Variants in MEF2C observed in about 807,000 individuals in gnomAD.
MEF2C encodes the protein myocyte-specific enhancer factor 2C.
A neutral mutation model predicts 50.5 loss-of-function variants in MEF2C; 6 were observed. The observed-to-expected ratio is 0.12, with a 90% CI of 0.07 to 0.23. The LOEUF is 0.23. Ranked by LOEUF, MEF2C falls within the 10% of genes least tolerant of loss-of-function variation. The pLI, the probability that MEF2C is intolerant of heterozygous loss-of-function variation, is 1.00. For synonymous variants in MEF2C, 183 were observed against 228.0 expected (o/e 0.80, Z 1.78); for missense variants, 276 against 605.0 (o/e 0.46, Z 5.70).
chr5:88,848,251 C>T (rs1561320813), intron 1 of MEF2C, among the ~76,000 whole-genome samples: 1 of 152,224 alleles, frequency 6.6e-6, no homozygotes, highest in East Asian at 1.9e-4. Context: ...TAATAATGAT[C>T]TGTATTTGAA....
intron 3 of MEF2C, chr5:88,766,750 T>G (rs1169063134): frequency 1.0e-6 from 1 of 985,288 alleles, no homozygotes; most frequent in Non-Finnish European, 1.2e-6. Flanking sequence ...TAGTGTGATC[T>G]TTACTTCAGA....
chr5:88,896,221 G>C (rs896393775), intron 1 of MEF2C, among the ~76,000 whole-genome samples: 2 of 152,124 alleles, frequency 1.3e-5, no homozygotes, highest in Non-Finnish European at 2.9e-5. Context: ...ATTGTACATT[G>C]CATTACCTGT....
At chr5:88,769,195 A>C (rs2152754750) in intron 3 of MEF2C, among the ~76,000 whole-genome samples, 1 of 152,320 alleles carries the variant, frequency 6.6e-6, no homozygotes, top group Non-Finnish European at 1.5e-5. Context: ...AGATACTATA[A>C]ATCTGAATTA....
Position 88,735,694 on chromosome 5 carries a change from A to G in MEF2C, c.638-3793T>C, listed in dbSNP as rs891738719. The G allele has an allele frequency of 4.1e-6, 4 of 985,294 alleles. No homozygotes were observed. The African/African-American group carries it at 7.0e-5, about 17-fold the overall frequency. The allele number at this position is 985,294 out of a possible 1,614,324, so 61.0% of individuals were successfully genotyped here. On this transcript the variant is annotated intron_variant, in intron 6 of 10. Transcript: ENST00000504921. ...CATAGAACTTGAATGTGGTGTTAGGAGAAAAACATTTTTCTCCCCAGTTAA... is the reference window on the plus strand; with the variant it reads ...CATAGAACTTGAATGTGGTGTTAGGGGAAAAACATTTTTCTCCCCAGTTAA...
At chr5:88,811,016 G>A (rs567009863) in intron 2 of MEF2C, among the ~76,000 whole-genome samples, 4 of 152,200 alleles carry the variant, frequency 2.6e-5, no homozygotes, top group Non-Finnish European at 5.9e-5. Context: ...TTTTGGGAAA[G>A]GATCTAAAGT....
At chr5:88,869,863 T>A (rs1227656885) in intron 1 of MEF2C, among the ~76,000 whole-genome samples, 1 of 150,636 alleles carries the variant, frequency 6.6e-6, no homozygotes, top group Non-Finnish European at 1.5e-5. Context: ...AAGGATGGTG[T>A]ATCACGCGTC....
intron 1 of MEF2C, chr5:88,824,498 T>C (rs1809977898): frequency 3.8e-6 from 1 of 266,494 alleles, no homozygotes; most frequent in African/African-American, 2.3e-5. Context: ...AAATTATTGC[T>C]GTGAGAACAC....
At chr5:88,892,638 T>C (rs1056490786) in intron 1 of MEF2C, among the ~76,000 whole-genome samples, 1 of 152,206 alleles carries the variant, frequency 6.6e-6, no homozygotes, top group Non-Finnish European at 1.5e-5. Flanking sequence ...CTTATTTCCC[T>C]TTCACTGACA....
chr5:88,844,710 C>T (rs1477878626), intron 1 of MEF2C: 1 of 390,636 alleles, frequency 2.6e-6, no homozygotes, highest in Non-Finnish European at 3.5e-6. Context: ...AACTCTTTTC[C>T]TCATGGTTAA....
At chr5:88,882,132 C>T (rs559701433) in intron 1 of MEF2C, among the ~76,000 whole-genome samples, 2 of 152,230 alleles carry the variant, frequency 1.3e-5, no homozygotes, top group Admixed American at 6.5e-5. Flanking sequence ...TAAATACTTC[C>T]ACAATATTTA....
intron 3 of MEF2C, among the ~76,000 whole-genome samples, chr5:88,788,099 G>C (rs868592303): frequency 1.3e-5 from 2 of 152,232 alleles, no homozygotes; most frequent in Non-Finnish European, 2.9e-5. Flanking sequence ...GGAAGGTGAA[G>C]TAGCCAGGTG....
At chr5:88,829,276 C>A (rs547014604) in intron 1 of MEF2C, among the ~76,000 whole-genome samples, 1 of 151,904 alleles carries the variant, frequency 6.6e-6, no homozygotes. Context: ...TCCTTGACTT[C>A]TCCTCCCTTC....
At chr5:88,784,968 G>T (rs774806054) in intron 3 of MEF2C, among the ~76,000 whole-genome samples, 22 of 152,230 alleles carry the variant, frequency 1.4e-4, no homozygotes, top group Non-Finnish European at 2.9e-4. Context: ...AAGAGCAGTA[G>T]GGGGCCAACA....
At chr5:88,765,541 A>G (rs1779677877) in intron 3 of MEF2C, among the ~76,000 whole-genome samples, 1 of 152,226 alleles carries the variant, frequency 6.6e-6, no homozygotes, top group South Asian at 2.1e-4. Context: ...AGTAATGAAT[A>G]GTCGATATGA....
intron 1 of MEF2C, among the ~76,000 whole-genome samples, chr5:88,877,203 G>A (rs1330976900): frequency 6.6e-5 from 10 of 151,958 alleles, no homozygotes; most frequent in Admixed American, 6.6e-4. Context: ...TTTATTGCTT[G>A]TAATGTCGTC....
chr5:88,747,327 TTAC>T, intron 6 of MEF2C, among the ~76,000 whole-genome samples: 2 of 68,384 alleles, frequency 2.9e-5, no homozygotes, highest in East Asian at 4.8e-4. Context: ...TTTTTTTTTT[TTAC>T]TACTTTTTTT....
chr5:88,882,186 G>A (rs78635345), intron 1 of MEF2C, among the ~76,000 whole-genome samples: 2 of 152,268 alleles, frequency 1.3e-5, no homozygotes, highest in South Asian at 4.1e-4. Context: ...TACTTCCTTT[G>A]TGACAAACTT....
At chr5:88,780,377 C>G (rs959648943) in intron 3 of MEF2C, among the ~76,000 whole-genome samples, 6 of 152,124 alleles carry the variant, frequency 3.9e-5, no homozygotes, top group African/African-American at 1.4e-4. Flanking sequence ...ACTGAGATGG[C>G]CATCCCTCCC....
At chr5:88,732,992 A>G (rs1040955139) in intron 6 of MEF2C, 2 of 807,482 alleles carry the variant, frequency 2.5e-6, no homozygotes, top group African/African-American at 3.7e-5. Flanking sequence ...ATGCAAAGAC[A>G]AGGCCCCAGG....
Sources: allele counts gnomAD v4.1 joint callset (sites outside exome capture counted in the v4.1 genomes callset), GRCh38; gene constraint gnomAD v4.1.1; transcripts MANE v1.5; gene names NCBI Gene and HGNC (gene_info 2026-07-23, HGNC 2026-07-21).